Variants in VAV3 observed in about 807,000 individuals in gnomAD.
VAV3 encodes guanine nucleotide exchange factor VAV3.
A neutral mutation model predicts 131.2 loss-of-function variants in VAV3; 94 were observed. The ratio of observed to expected loss-of-function variants is 0.72; its 90% CI spans 0.61 to 0.85. VAV3 has a LOEUF of 0.85. VAV3 is among the 40% of genes least tolerant of loss of function. The pLI is 0.00. For missense variants in VAV3, 939 were observed against 1,002.7 expected, an observed-to-expected ratio of 0.94 and a Z score of 0.86; for synonymous variants, 349 against 342.0, an observed-to-expected ratio of 1.02 and a Z score of -0.22.
intron 22 of VAV3, among the ~76,000 whole-genome samples, chr1:107,603,502 G>T (rs562999384): frequency 4.6e-5 from 7 of 152,196 alleles, no homozygotes; most frequent in African/African-American, 1.7e-4. Context: ...GGGAGAAACT[G>T]CCCTGTATAA....
At chr1:107,957,896 A>T (rs1674892864) in intron 1 of VAV3, among the ~76,000 whole-genome samples, 1 of 149,672 alleles carries the variant, frequency 6.7e-6, no homozygotes, top group Non-Finnish European at 1.5e-5. Flanking sequence ...AAAAAAAAAG[A>T]CACGATCTCA....
intron 19 of VAV3, among the ~76,000 whole-genome samples, chr1:107,649,074 A>C (rs12728620): frequency 0.43 from 65,336 of 151,580 alleles, 14,796 homozygotes; most frequent in East Asian, 0.61. Context: ...AACAAACAAA[A>C]AAAAAGCAAG....
Position 107,753,531 on chromosome 1 carries a change from T to TATATACACACATATATATATATAC in VAV3, c.1173+1895_1173+1896insGTATATATATATATGTGTGTATAT, listed in dbSNP as rs1557822043. Reference sequence around the variant, plus strand: ...ATACACACATATATATATATACGTATATATATATATATATATATACACACA... The same window carrying TATATACACACATATATATATATAC: ...ATACACACATATATATATATACGTATATATACACACATATATATATATACATATATATATATATATATACACACA... On this transcript the variant is annotated intron_variant, in intron 12 of 26. Transcript: ENST00000370056. Among the ~76,000 whole-genome samples the TATATACACACATATATATATATAC allele has an allele frequency of 2.3e-3, 87 of 37,502 alleles. 1 individual carries two copies. Among genetic ancestry groups the TATATACACACATATATATATATAC allele is most frequent in the African/African-American group, 7.8e-3 (85 of 10,832 alleles). The allele number at this position is 37,502 out of a possible 152,430, so 24.6% of individuals were successfully genotyped here.
chr1:107,749,661 G>T, intron 13 of VAV3, 67 bp from the exon 14 acceptor site: 7 of 1,541,564 alleles, frequency 4.5e-6, no homozygotes, highest in Non-Finnish European at 6.1e-6. Flanking sequence ...ATTTTTTTGG[G>T]TATAAAGCAA....
chr1:107,748,954 A>G lies in VAV3; in HGVS notation c.1502+14T>C, dbSNP rs763038546. The G allele has an allele frequency of 6.5e-7, 1 of 1,549,646 alleles. No homozygotes were observed. Among genetic ancestry groups the G allele is most frequent in the South Asian group, 1.2e-5 (1 of 84,938 alleles). ...AGTAAAAATAAAAGCACTTTTAAAA[A>G]TAGAAATACTCACAAAGCCATTTCA... On this transcript the variant is annotated intron_variant, in intron 15 of 26. Transcript: ENST00000370056.
intron 2 of VAV3, among the ~76,000 whole-genome samples, chr1:107,864,906 C>T (rs957859322): frequency 6.6e-6 from 1 of 152,174 alleles, no homozygotes; most frequent in Non-Finnish European, 1.5e-5. Context: ...CCCTGATAAA[C>T]GAGCACATGG....
chr1:107,755,465 G>C lies in VAV3; in HGVS notation c.1135C>G (p.Arg379Gly), dbSNP rs771896813. 11 of 1,613,594 alleles carry C rather than the reference G, an allele frequency of 6.8e-6. No homozygotes were observed. The South Asian group carries it at 1.1e-4, about 16-fold the overall frequency. The change falls in exon 12 of 27, where the codon CGT becomes GGT. Residue 379 changes from arginine (R) to glycine (G), a missense_variant. Arg to Gly is a moderately radical substitution (Grantham distance 125, BLOSUM62 -2). Coordinates refer to ENST00000370056, the MANE Select transcript of VAV3 (RefSeq NM_006113.5). Reference protein sequence around the residue: ...NEVKRDNETLREIKQFQLSIE... With the variant: ...NEVKRDNETLGEIKQFQLSIE... ...GATAGCTGAAACTGTTTAATTTCAC[G>C]AAGGGTCTCATTATCTCTTTTCACT...
Position 107,753,527 on chromosome 1 carries a change from C to T in VAV3, c.1173+1900G>A, listed in dbSNP as rs376042620. On this transcript the variant is annotated intron_variant, in intron 12 of 26. Coordinates refer to ENST00000370056, the MANE Select transcript of VAV3 (RefSeq NM_006113.5). ...ATATATACACACATATATATATATA[C>T]GTATATATATATATATATATATACA... Among the ~76,000 whole-genome samples the T allele has an allele frequency of 9.5e-5, 9 of 94,758 alleles. No homozygotes were observed. In the East Asian group the frequency reaches 1.0e-3, roughly 10 times the overall value. 62.2% of individuals were successfully genotyped at this position (94,758 alleles called of 152,430 possible). A position where few individuals can be genotyped will look rare whatever the true frequency, so the allele number is the denominator to read the frequency against.
chr1:107,871,808 A>G (rs961737356), intron 2 of VAV3, among the ~76,000 whole-genome samples: 2 of 152,150 alleles, frequency 1.3e-5, no homozygotes, highest in Non-Finnish European at 2.9e-5. Flanking sequence ...GCTTGGACAA[A>G]GTTTAGTGAG....
At chr1:107,801,533 G>A (rs1214824723) in intron 2 of VAV3, among the ~76,000 whole-genome samples, 1 of 152,106 alleles carries the variant, frequency 6.6e-6, no homozygotes, top group Non-Finnish European at 1.5e-5. Context: ...TAACTTAGAA[G>A]TATGCACCTG....
Position 107,766,438 on chromosome 1 carries a change from A to C in VAV3, c.821+9T>G. ...CTAAGACCCACAAAACTTAAACTTC[A>C]AAAGTTACCTTTCCTTGTAGTTAAT... On this transcript the variant is annotated intron_variant, in intron 8 of 26. Coordinates refer to ENST00000370056, the MANE Select transcript of VAV3 (RefSeq NM_006113.5). The C allele has an allele frequency of 1.9e-6, 3 of 1,593,518 alleles. No homozygotes were observed. Among genetic ancestry groups the C allele is most frequent in the Non-Finnish European group, 2.6e-6 (3 of 1,164,168 alleles).
At chr1:107,845,518 G>A (rs1039630741) in intron 2 of VAV3, among the ~76,000 whole-genome samples, 1 of 150,678 alleles carries the variant, frequency 6.6e-6, no homozygotes, top group Admixed American at 6.6e-5. Flanking sequence ...AAAGAAGTAT[G>A]TTATAACCAA....
At chr1:107,641,294 T>C (rs1655318287) in intron 20 of VAV3, among the ~76,000 whole-genome samples, 1 of 152,214 alleles carries the variant, frequency 6.6e-6, no homozygotes, top group Non-Finnish European at 1.5e-5. Context: ...CTTCTGCATG[T>C]GCACAATTGA....
rs781755295 is a variant in VAV3 at position 107,603,065 on chromosome 1, T to C, written c.2114A>G (p.Glu705Gly). 1 of 1,613,014 alleles carries C rather than the reference T, an allele frequency of 6.2e-7. No individual in the cohort carries two copies. Among genetic ancestry groups the C allele is most frequent in the Non-Finnish European group, 8.5e-7 (1 of 1,179,328 alleles). Residue 705 changes from glutamate (E) to glycine (G), a missense_variant, in exon 23 of 27, where the codon GAA becomes GGA. Glu to Gly is a moderately conservative substitution (Grantham distance 98). Transcript: ENST00000370056. ...LVRHRTKESG[E>G]YAISIKYNNE... ...TACTTACTTAATGCTAATTGCATATTCTCCTGACTCTTTGGTCCTGTGCCT... is the reference window on the plus strand; with the variant it reads ...TACTTACTTAATGCTAATTGCATATCCTCCTGACTCTTTGGTCCTGTGCCT...
In VAV3 at chr1:107,684,761, G is replaced by T. The variant is rs114796721; in HGVS notation, c.1732-1228C>A. Among the ~76,000 whole-genome samples, 680 of 152,216 alleles carry T rather than the reference G, an allele frequency of 4.5e-3. 8 individuals are homozygous for T. The highest frequency in any genetic ancestry group is 0.016 in the African/African-American group (651 of 41,530). On this transcript the variant is annotated intron_variant, in intron 18 of 26. Coordinates refer to ENST00000370056, the MANE Select transcript of VAV3 (RefSeq NM_006113.5). ...TCATTGTGAATGAAAGGAAAATTTT[G>T]CTCTAGATTTGTTGGTAGCCAAGGC...
intron 15 of VAV3, among the ~76,000 whole-genome samples, chr1:107,729,215 C>T (rs748063002): frequency 3.3e-5 from 5 of 152,070 alleles, no homozygotes; most frequent in Non-Finnish European, 5.9e-5. Context: ...TTCAATATGT[C>T]AAAGCTCAAA....
At position 107,574,963 on chromosome 1, in the gene VAV3, C is replaced by CTCTGTG. The variant is rs1304869776; in HGVS notation, c.2351-766_2351-765insCACAGA. 4.9e-5 allele frequency among the ~76,000 whole-genome samples: 4 copies of CTCTGTG among 81,110 alleles called. 1 individual carries two copies. Among genetic ancestry groups the CTCTGTG allele is most frequent in the East Asian group, 1.4e-3 (2 of 1,432 alleles). 53.2% of individuals were successfully genotyped at this position (81,110 alleles called of 152,430 possible). On this transcript the variant is annotated intron_variant, in intron 25 of 26. Transcript: ENST00000370056. The stretch of plus-strand genomic sequence containing the variant: ...ATCCTGTGTTCAGAGTTGAGTTTCT[C>CTCTGTG]TGTGTGTGTGTGTGTGTGTGTGTGT...
intron 2 of VAV3, among the ~76,000 whole-genome samples, chr1:107,844,373 C>T (rs573729507): frequency 6.6e-6 from 1 of 152,190 alleles, no homozygotes; most frequent in Non-Finnish European, 1.5e-5. Context: ...CCCTGGGTTT[C>T]AAGCACAAAA....
chr1:107,688,986 AT>A (rs1342722991), intron 17 of VAV3, among the ~76,000 whole-genome samples: 2 of 152,136 alleles, frequency 1.3e-5, no homozygotes, highest in East Asian at 3.9e-4. Flanking sequence ...TTCTTTTCAT[AT>A]TTAGTTTACC....
Sources: gnomAD v4.1 joint callset for allele counts (sites outside exome capture counted in the v4.1 genomes callset) on GRCh38, gnomAD v4.1.1 for gene constraint, MANE v1.5 for transcripts, NCBI Gene and HGNC (gene_info 2026-07-23, HGNC 2026-07-21) for gene names.